PCDHA11: variants seen among roughly 807,000 people sequenced by gnomAD.
PCDHA11 encodes the protein protocadherin alpha-11.
In PCDHA11, 61 loss-of-function variants were observed where a neutral mutation model predicts 70.3. The ratio of observed to expected loss-of-function variants is 0.87; its 90% CI spans 0.71 to 1.07. The LOEUF is 1.07. Ranked by LOEUF, PCDHA11 falls within the 50% of genes least tolerant of loss-of-function variation. The probability of loss-of-function intolerance (pLI) is 0.00; values close to 1 mark genes in which losing one functional copy is unlikely to be tolerated. For synonymous variants in PCDHA11, 633 were observed against 555.1 expected, an observed-to-expected ratio of 1.14 and a Z score of -1.97; for missense variants, 1,324 against 1,237.5, an observed-to-expected ratio of 1.07 and a Z score of -1.05.
At chr5:140,877,497 C>G in intron 1 of PCDHA11, 1 of 1,613,848 alleles carries the variant, frequency 6.2e-7, no homozygotes, top group South Asian at 1.1e-5. Context: ...ACGGCCAGGC[C>G]CCAAAGACGT....
rs1365807310 is a variant in PCDHA11, at chr5:140,870,819, G to C, written c.1716G>C (p.Ala572=). The C allele has an allele frequency of 1.9e-6, 3 of 1,613,714 alleles. No homozygotes were observed. Among genetic ancestry groups the C allele is most frequent in the South Asian group, 1.1e-5 (1 of 91,070 alleles). The change falls in exon 1 of 4, where the codon GCG becomes GCC. Residue 572 remains alanine, a synonymous_variant. Coordinates refer to ENST00000398640, the MANE Select transcript of PCDHA11 (RefSeq NM_018902.5). ...PALLATQAGS[A]GGAVNKLVPR... ...TGCTGGCGACTCAGGCTGGCAGCGC[G>C]GGAGGCGCAGTTAACAAGCTAGTAC...
rs1554228572 is a variant in PCDHA11 at position 140,966,716 on chromosome 5, G to A, written c.2392-12233G>A. On this transcript the variant is annotated intron_variant, in intron 1 of 3. Transcript: ENST00000398640. Reference sequence around the variant, plus strand: ...GGCCCGGGCGTGGGGCACGGCTGGGGAAGCTGCCGCCTCCGGCCCTGCCCG... The same window carrying A: ...GGCCCGGGCGTGGGGCACGGCTGGGAAAGCTGCCGCCTCCGGCCCTGCCCG... The A allele has an allele frequency of 2.3e-5, 32 of 1,394,682 alleles. No homozygotes were observed. The South Asian group carries it at 5.0e-4, about 22-fold the overall frequency. The allele number at this position is 1,394,682 out of a possible 1,614,324, so 86.4% of individuals were successfully genotyped here. A position where few individuals can be genotyped will look rare whatever the true frequency, so the allele number is the denominator to read the frequency against.
intron 1 of PCDHA11, among the ~76,000 whole-genome samples, chr5:140,888,353 A>G (rs907810387): frequency 1.9e-4 from 29 of 152,220 alleles, no homozygotes; most frequent in African/African-American, 6.8e-4. Context: ...GGGAATTGCT[A>G]CTGGCATCTA....
In PCDHA11 at chr5:140,870,452, A is replaced by G; in HGVS notation, c.1349A>G (p.Asn450Ser). ...GTGGAGGTGGCCGACGTGAACGACA[A>G]TGCGCCTGCGTTCGCACAGCCCGAG... The part of the protein sequence containing the change: ...VSVEVADVND[N>S]APAFAQPEYT... Residue 450 changes from asparagine (N) to serine (S), a missense_variant, in exon 1 of 4, where the codon AAT becomes AGT. Coordinates refer to ENST00000398640, the MANE Select transcript of PCDHA11 (RefSeq NM_018902.5). The G allele has an allele frequency of 6.2e-7, 1 of 1,614,168 alleles. No homozygotes were observed. Among genetic ancestry groups the G allele is most frequent in the Non-Finnish European group, 8.5e-7 (1 of 1,180,028 alleles).
rs531996502 is a variant in PCDHA11, at chr5:140,944,251, G to A, written c.2392-34698G>A. Among the ~76,000 whole-genome samples the A allele has an allele frequency of 2.2e-4, 33 of 152,302 alleles. No individual in the cohort carries two copies. In the South Asian group the frequency reaches 6.8e-3, roughly 32 times the overall value. On this transcript the variant is annotated intron_variant, in intron 1 of 3. Transcript: ENST00000398640. ...CGCTCAGGCTGGAGTGCAGTGATGT[G>A]ATCACTGCTCACTGCAGCCTTGACA...
intron 3 of PCDHA11, among the ~76,000 whole-genome samples, chr5:141,006,156 TA>T (rs1554260585): frequency 6.6e-6 from 1 of 151,588 alleles, no homozygotes; most frequent in East Asian, 1.9e-4. Flanking sequence ...AGGAGTGATA[TA>T]ATCTGATTTA....
chr5:140,901,852 T>G (rs1184166361), intron 1 of PCDHA11, among the ~76,000 whole-genome samples: 3 of 152,206 alleles, frequency 2.0e-5, no homozygotes, highest in Non-Finnish European at 4.4e-5. Flanking sequence ...TCTTTCCATT[T>G]TTTTGTGTCC....
intron 1 of PCDHA11, chr5:140,876,767 C>T (rs1462172871): frequency 1.2e-6 from 2 of 1,614,194 alleles, no homozygotes; most frequent in South Asian, 1.1e-5. Flanking sequence ...GATGGGGGCT[C>T]GCCTTCGCTG....
chr5:140,948,492 A>C (rs915795889), intron 1 of PCDHA11, among the ~76,000 whole-genome samples: 1 of 151,594 alleles, frequency 6.6e-6, no homozygotes, highest in Non-Finnish European at 1.5e-5. Flanking sequence ...AATTTCTTTC[A>C]TAGACTTTCT....
At chr5:140,955,102 C>A (rs2095137498) in intron 1 of PCDHA11, among the ~76,000 whole-genome samples, 1 of 151,988 alleles carries the variant, frequency 6.6e-6, no homozygotes, top group Admixed American at 6.6e-5. Context: ...GGTGTTATTT[C>A]TGAGTTCTCT....
chr5:140,876,326 T>C, intron 1 of PCDHA11: 4 of 1,614,046 alleles, frequency 2.5e-6, no homozygotes, highest in Non-Finnish European at 3.4e-6. Context: ...AAAATGATTT[T>C]GCCAGTGAGT....
At chr5:140,883,759 G>A (rs1554179777) in intron 1 of PCDHA11, 1 of 1,612,704 alleles carries the variant, frequency 6.2e-7, no homozygotes, top group African/African-American at 1.3e-5. Context: ...TGGTGGAGCG[G>A]CGGGTGGGCG....
At chr5:140,959,719 A>G (rs986383146) in intron 1 of PCDHA11, among the ~76,000 whole-genome samples, 4 of 152,366 alleles carry the variant, frequency 2.6e-5, no homozygotes, top group African/African-American at 9.6e-5. Context: ...AAATTTTTAG[A>G]TAACATTATC....
intron 1 of PCDHA11, among the ~76,000 whole-genome samples, chr5:140,897,728 A>G (rs1554187548): frequency 6.6e-6 from 1 of 152,092 alleles, no homozygotes; most frequent in Non-Finnish European, 1.5e-5. Flanking sequence ...TGGGTCAAAT[A>G]GTATTTCTAG....
At chr5:140,916,327 A>G (rs1218792272) in intron 1 of PCDHA11, among the ~76,000 whole-genome samples, 5 of 152,226 alleles carry the variant, frequency 3.3e-5, no homozygotes, top group African/African-American at 1.2e-4. Context: ...AGTCCCCTTT[A>G]CTTTTTCCTC....
intron 1 of PCDHA11, chr5:140,884,027 G>C (rs2059948411): frequency 6.2e-7 from 1 of 1,613,258 alleles, no homozygotes; most frequent in Admixed American, 1.7e-5. Context: ...GTCGGTGGGT[G>C]CAGGCCACGT....
chr5:140,982,689 T>A, intron 3 of PCDHA11, 126 bp downstream of exon 3: 1 of 1,413,688 alleles, frequency 7.1e-7, no homozygotes, highest in Non-Finnish European at 9.3e-7. Context: ...CTTTTTTCCA[T>A]ACATACATGA....
At chr5:140,871,545 A>G (rs1554165721) in intron 1 of PCDHA11, 51 bp downstream of exon 1, 1 of 1,501,736 alleles carries the variant, frequency 6.7e-7, no homozygotes, top group Non-Finnish European at 8.9e-7. Context: ...GAAATTATTT[A>G]AAATCCAGTT....
intron 2 of PCDHA11, 69 bp downstream of exon 2, chr5:140,979,076 C>G: frequency 6.3e-7 from 1 of 1,584,068 alleles, no homozygotes; most frequent in South Asian, 1.1e-5. Flanking sequence ...AACTGCATCT[C>G]CATAGGCCAG....
Sources: allele counts gnomAD v4.1 joint callset (sites outside exome capture counted in the v4.1 genomes callset), GRCh38; gene constraint gnomAD v4.1.1; transcripts MANE v1.5; gene names NCBI Gene and HGNC (gene_info 2026-07-23, HGNC 2026-07-21).